NFIB: variants seen among roughly 807,000 people sequenced by gnomAD.
The protein encoded by NFIB is nuclear factor I B.
Under a neutral mutation model 61.5 loss-of-function variants are expected in NFIB, and 11 were observed. The observed-to-expected ratio is 0.18, with a 90% confidence interval of 0.11 to 0.30. The LOEUF is 0.30. Ranked by LOEUF, NFIB falls within the 10% of genes least tolerant of loss-of-function variation. The pLI, the probability that NFIB is intolerant of heterozygous loss-of-function variation, is 1.00. For synonymous variants in NFIB, 260 were observed against 216.5 expected (o/e 1.20, Z -1.76); for missense variants, 471 against 608.9 (o/e 0.77, Z 2.38).
Position 14,229,540 on chromosome 9 carries a change from T to A in NFIB, c.563-49760A>T, listed in dbSNP as rs141701864. On this transcript the variant is annotated intron_variant, in intron 2 of 10. Coordinates refer to ENST00000380953, the MANE Select transcript of NFIB (RefSeq NM_001190737.2). ...TAAAATAATGCCTTAAATAAAATAA[T>A]GTATGTAAAGTTTGTGGCACATAAA... is the stretch of plus-strand genomic sequence containing the variant. 3.4e-4 allele frequency among the ~76,000 whole-genome samples: 52 copies of A among 152,326 alleles called. 2 individuals carry two copies. In the East Asian group the frequency reaches 7.9e-3, roughly 23 times the overall value.
the NFIB span, among the ~76,000 whole-genome samples, chr9:14,429,741 G>A: frequency 9.2e-5 from 14 of 152,144 alleles, no homozygotes; most frequent in Non-Finnish European, 2.1e-4. Flanking sequence ...TAGGAGCGCC[G>A]CCTCCCCACC....
Position 14,220,842 on chromosome 9 carries a change from T to TACACCCACCCACAC in NFIB, c.563-41063_563-41062insGTGTGGGTGGGTGT. 4.1e-5 allele frequency among the ~76,000 whole-genome samples: 5 copies of TACACCCACCCACAC among 123,094 alleles called. No individual in the cohort carries two copies. The South Asian group carries it at 1.4e-3, about 35-fold the overall frequency. The allele number at this position is 123,094 out of a possible 152,430, so 80.8% of individuals were successfully genotyped here. A position where few individuals can be genotyped will look rare whatever the true frequency, so the allele number is the denominator to read the frequency against. ...CTATATCCAGTGAAATCAATCTCCC[T>TACACCCACCCACAC]ACACACACACACACACACACACACA... On this transcript the variant is annotated intron_variant, in intron 2 of 10. Coordinates refer to ENST00000380953, the MANE Select transcript of NFIB (RefSeq NM_001190737.2).
intron 2 of NFIB, among the ~76,000 whole-genome samples, chr9:14,222,422 C>T (rs1453848599): frequency 2.0e-5 from 3 of 152,110 alleles, no homozygotes; most frequent in East Asian, 1.9e-4. Context: ...ATTCATGCAC[C>T]TCAAGCTCCA....
At chr9:14,102,272 AT>A in intron 10 of NFIB, 1 of 620,422 alleles carries the variant, frequency 1.6e-6, no homozygotes, top group Non-Finnish European at 2.8e-6. Flanking sequence ...TACATAAGAA[AT>A]AAAGGAGGAG....
the NFIB span, among the ~76,000 whole-genome samples, chr9:14,448,454 T>G: frequency 2.0e-5 from 3 of 152,226 alleles, no homozygotes; most frequent in Non-Finnish European, 4.4e-5. Context: ...TGAAAGGGAT[T>G]GTCATAATTC....
the NFIB span, among the ~76,000 whole-genome samples, chr9:14,471,573 G>A: frequency 6.6e-6 from 1 of 152,230 alleles, no homozygotes; most frequent in East Asian, 1.9e-4. Context: ...CACTATTTAG[G>A]AAGAATTGAT....
chr9:14,423,555 TG>T, the NFIB span, among the ~76,000 whole-genome samples: 1 of 152,228 alleles, frequency 6.6e-6, no homozygotes, highest in Non-Finnish European at 1.5e-5. Flanking sequence ...AAAGGGTCAC[TG>T]GGCCCATTAT....
At chr9:14,413,449 G>T in the NFIB span, among the ~76,000 whole-genome samples, 2 of 152,152 alleles carry the variant, frequency 1.3e-5, no homozygotes, top group Admixed American at 1.3e-4. Flanking sequence ...AAACAGGATA[G>T]CTTGATTTCA....
At chr9:14,380,007 A>C (rs1159382975) in intron 1 of NFIB, among the ~76,000 whole-genome samples, 7 of 152,072 alleles carry the variant, frequency 4.6e-5, no homozygotes, top group Non-Finnish European at 8.8e-5. Flanking sequence ...TAATTGAAGA[A>C]AACAAAGTCT....
chr9:14,160,342 A>G (rs1353878960), intron 3 of NFIB, among the ~76,000 whole-genome samples: 1 of 152,194 alleles, frequency 6.6e-6, no homozygotes, highest in African/African-American at 2.4e-5. Flanking sequence ...TATAATCAGT[A>G]CCATTTGAAT....
chr9:14,463,618 T>C, the NFIB span, among the ~76,000 whole-genome samples: 1 of 151,772 alleles, frequency 6.6e-6, no homozygotes, highest in African/African-American at 2.4e-5. Context: ...GGATGTAAGA[T>C]GCTATTCGGA....
chr9:14,175,657 A>C (rs1328946824), intron 3 of NFIB, among the ~76,000 whole-genome samples: 2 of 152,204 alleles, frequency 1.3e-5, no homozygotes, highest in Non-Finnish European at 2.9e-5. Flanking sequence ...GCCACACTAC[A>C]TGCATAAGTC....
At chr9:14,124,613 T>G (rs534990007) in intron 7 of NFIB, among the ~76,000 whole-genome samples, 2 of 152,320 alleles carry the variant, frequency 1.3e-5, no homozygotes, top group East Asian at 3.9e-4. Flanking sequence ...CAATAACAGT[T>G]TCACTATTAA....
At chr9:14,149,048 C>T (rs918992450) in intron 5 of NFIB, among the ~76,000 whole-genome samples, 1 of 152,238 alleles carries the variant, frequency 6.6e-6, no homozygotes, top group Middle Eastern at 3.4e-3. Context: ...TCTGTGTTGA[C>T]AACAGTGATT....
At chr9:14,502,153 C>T in the NFIB span, among the ~76,000 whole-genome samples, 1 of 152,214 alleles carries the variant, frequency 6.6e-6, no homozygotes, top group South Asian at 2.1e-4. Flanking sequence ...ATCCTGTCAT[C>T]AGCTGGTGTA....
At chr9:14,438,751 A>AG in the NFIB span, among the ~76,000 whole-genome samples, 1 of 152,038 alleles carries the variant, frequency 6.6e-6, no homozygotes, top group Non-Finnish European at 1.5e-5. Context: ...AAACCTCGTG[A>AG]GCGGGGGCTG....
At chr9:14,281,848 GTGT>G (rs2058391591) in intron 2 of NFIB, among the ~76,000 whole-genome samples, 1 of 149,848 alleles carries the variant, frequency 6.7e-6, no homozygotes, top group Non-Finnish European at 1.5e-5. Flanking sequence ...CACCCCACAC[GTGT>G]TTTTTTTAGG....
rs2042309069 is a variant in NFIB, at chr9:14,146,675, TC to T, written c.925+13del. 1 of 1,612,920 alleles carries T rather than the reference TC, an allele frequency of 6.2e-7. No individual in the cohort carries two copies. The highest frequency in any genetic ancestry group is 8.5e-7 in the Non-Finnish European group (1 of 1,179,322). On this transcript the variant is annotated intron_variant, in intron 6 of 10. Transcript: ENST00000380953. ...TTTACTCATGGTCTCTAGAGGCATC[TC>T]CTTATTACTCACCTTGATCTCTTTC...
chr9:14,133,188 T>A (rs7032993), intron 6 of NFIB, among the ~76,000 whole-genome samples: 49,597 of 151,880 alleles, frequency 0.33, 10,500 homozygotes, highest in African/African-American at 0.6. Flanking sequence ...AGATTTTTTT[T>A]AAAAGAGTTT....
Sources: allele counts gnomAD v4.1 joint callset (sites outside exome capture counted in the v4.1 genomes callset), GRCh38; gene constraint gnomAD v4.1.1; transcripts MANE v1.5; gene names NCBI Gene and HGNC (gene_info 2026-07-23, HGNC 2026-07-21).